The following COL5A2 variants were observed in gnomAD, a reference collection of about 807,000 sequenced individuals.
The protein encoded by COL5A2 is collagen alpha-2(V) chain.
Under a neutral mutation model 208.2 loss-of-function variants are expected in COL5A2, and 23 were observed. That is an observed-to-expected ratio of 0.11 (90% CI 0.08 to 0.16). COL5A2 has a LOEUF of 0.16. Among genes scored for constraint, COL5A2 ranks in the 10% least tolerant of loss-of-function variants. The pLI, the probability that COL5A2 is intolerant of heterozygous loss-of-function variation, is 1.00. For missense variants in COL5A2, 1,590 were observed against 1,956.4 expected, an observed-to-expected ratio of 0.81 and a Z score of 3.53; for synonymous variants, 625 against 628.5, an observed-to-expected ratio of 0.99 and a Z score of 0.08.
chr2:189,322,203 T>C, the COL5A2 span, among the ~76,000 whole-genome samples: 1 of 152,116 alleles, frequency 6.6e-6, no homozygotes, highest in Non-Finnish European at 1.5e-5. Context: ...TTTATAGCAC[T>C]AAATACCCAC....
the COL5A2 span, among the ~76,000 whole-genome samples, chr2:189,407,325 A>C: frequency 6.6e-6 from 1 of 152,076 alleles, no homozygotes; most frequent in Non-Finnish European, 1.5e-5. Context: ...AAAGCTTAAG[A>C]ATATGGGGGA....
intron 1 of COL5A2, among the ~76,000 whole-genome samples, chr2:189,153,207 C>A (rs949794647): frequency 3.3e-5 from 5 of 152,088 alleles, no homozygotes; most frequent in Non-Finnish European, 5.9e-5. Flanking sequence ...ATGTATTTTT[C>A]CTAACTGGGC....
intron 41 of COL5A2, 29 bp from the exon 42 acceptor site, chr2:189,051,510 G>C: frequency 1.3e-6 from 2 of 1,585,246 alleles, no homozygotes; most frequent in South Asian, 1.2e-5. Flanking sequence ...AAACACCAAG[G>C]AGGGCAAAAT....
At chr2:189,435,546 C>T in the COL5A2 span, among the ~76,000 whole-genome samples, 1 of 152,150 alleles carries the variant, frequency 6.6e-6, no homozygotes, top group African/African-American at 2.4e-5. Flanking sequence ...CAAAAGAAGA[C>T]ATTTATGCAG....
the COL5A2 span, among the ~76,000 whole-genome samples, chr2:189,365,905 C>T: frequency 2.0e-5 from 3 of 152,166 alleles, no homozygotes; most frequent in African/African-American, 7.2e-5. Context: ...TTAGACACCC[C>T]ACACATATCT....
At position 189,086,773 on chromosome 2, in the gene COL5A2, T is replaced by TA. The variant is rs771401222; in HGVS notation, c.646-4dup. On this transcript the variant is annotated splice_polypyrimidine_tract_variant and splice_region_variant and intron_variant, in intron 8 of 53. Transcript: ENST00000374866. ...GGTCCCCTTGGGCCAACAGGACCCT[T>TA]AAAAACAAATGAGGAGAAACGTTGC... 4.4e-6 allele frequency: 7 copies of TA among 1,578,716 alleles called. No homozygotes were observed. The East Asian group carries it at 1.6e-4, about 36-fold the overall frequency.
chr2:189,311,139 C>T, the COL5A2 span: 1 of 600,078 alleles, frequency 1.7e-6, no homozygotes, highest in Non-Finnish European at 3.0e-6. Flanking sequence ...CAACCAGGGG[C>T]TGAAGTGGAC....
At chr2:189,413,783 ATTT>A in the COL5A2 span, among the ~76,000 whole-genome samples, 2 of 79,174 alleles carry the variant, frequency 2.5e-5, no homozygotes, top group African/African-American at 1.0e-4. Context: ...CCTTGGCGTC[ATTT>A]TTTTTTTTTT....
At chr2:189,184,530 G>A (rs1410377159), upstream of COL5A2, among the ~76,000 whole-genome samples, 7 of 152,170 alleles carry the variant, frequency 4.6e-5, no homozygotes, top group Admixed American at 1.3e-4. Flanking sequence ...CTTGTTTTTT[G>A]AACTTTTAGA....
chr2:189,320,978 C>T, the COL5A2 span, among the ~76,000 whole-genome samples: 2 of 152,218 alleles, frequency 1.3e-5, no homozygotes, highest in African/African-American at 2.4e-5. Context: ...TGGGCAGAAA[C>T]TCTACAAGCC....
At chr2:189,375,586 A>C in the COL5A2 span, among the ~76,000 whole-genome samples, 1 of 152,174 alleles carries the variant, frequency 6.6e-6, no homozygotes, top group African/African-American at 2.4e-5. Flanking sequence ...AAGTTTGTCA[A>C]ATTAGGATAA....
chr2:189,176,301 T>C (rs1029518998), intron 1 of COL5A2, among the ~76,000 whole-genome samples: 13 of 152,210 alleles, frequency 8.5e-5, no homozygotes, highest in Non-Finnish European at 1.5e-5. Context: ...CAATATCTTC[T>C]GAAAATGTTA....
At chr2:189,115,275 T>A (rs966743131) in intron 1 of COL5A2, among the ~76,000 whole-genome samples, 1 of 152,164 alleles carries the variant, frequency 6.6e-6, no homozygotes, top group African/African-American at 2.4e-5. Flanking sequence ...AATTCAGTTC[T>A]TAATCACTAG....
At chr2:189,342,733 C>T in the COL5A2 span, among the ~76,000 whole-genome samples, 1 of 150,842 alleles carries the variant, frequency 6.6e-6, no homozygotes, top group Non-Finnish European at 1.5e-5. Context: ...TCCACCAATA[C>T]CACTATACAT....
the COL5A2 span, among the ~76,000 whole-genome samples, chr2:189,336,211 G>GT: frequency 2.0e-5 from 3 of 152,120 alleles, no homozygotes; most frequent in Non-Finnish European, 2.9e-5. Context: ...TCTCACTAGA[G>GT]TAGTTGAAAT....
intron 1 of COL5A2, among the ~76,000 whole-genome samples, chr2:189,187,722 G>A (rs1245671202): frequency 1.3e-5 from 2 of 152,158 alleles, no homozygotes; most frequent in African/African-American, 4.8e-5. Flanking sequence ...TGTAATCCCA[G>A]CACTTTGGGA....
At chr2:189,226,357 A>G (rs1689418587), upstream of COL5A2, among the ~76,000 whole-genome samples, 1 of 152,164 alleles carries the variant, frequency 6.6e-6, no homozygotes, top group Admixed American at 6.5e-5. Context: ...ATAACAATAT[A>G]TGGGCTAATT....
rs957840761 is a variant in COL5A2 at position 189,201,917 on chromosome 2, T to A, written c.-42+23231A>T. Among the ~76,000 whole-genome samples, 3 of 151,742 alleles carry A rather than the reference T, an allele frequency of 2.0e-5. No homozygotes were observed. In the South Asian group the frequency reaches 6.2e-4, roughly 31 times the overall value. On this transcript the variant is annotated intron_variant, in intron 1 of 10. Transcript: ENST00000649966. ...TGATATACAAATAGGTAAATCTAAA[T>A]AATCCATTGATCATATAAAACATTT...
chr2:189,155,484 T>C (rs1230638320), intron 1 of COL5A2, among the ~76,000 whole-genome samples: 3 of 152,184 alleles, frequency 2.0e-5, no homozygotes, highest in African/African-American at 7.2e-5. Context: ...TCTATGATGA[T>C]AGCAATGTTC....
Sources: gnomAD v4.1 joint callset for allele counts (sites outside exome capture counted in the v4.1 genomes callset) on GRCh38, gnomAD v4.1.1 for gene constraint, MANE v1.5 for transcripts, NCBI Gene and HGNC (gene_info 2026-07-23, HGNC 2026-07-21) for gene names.